Variants in SARDH observed in about 807,000 individuals in gnomAD.
SARDH encodes the protein sarcosine dehydrogenase.
SARDH carries 95 observed loss-of-function variants against 109.1 expected under a neutral mutation model. That is an observed-to-expected ratio of 0.87 (90% CI 0.74 to 1.03). The LOEUF (loss-of-function observed/expected upper bound fraction) is 1.03. SARDH is among the 50% of genes least tolerant of loss of function. The pLI, the probability that SARDH is intolerant of heterozygous loss-of-function variation, is 0.00. For synonymous variants in SARDH, 572 were observed against 534.8 expected (o/e 1.07, Z -0.96); for missense variants, 1,267 against 1,287.8 (o/e 0.98, Z 0.25).
chr9:133,718,799 T>C lies in SARDH; in HGVS notation c.1020+139A>G, dbSNP rs1463619206. 1 of 803,930 alleles carries C rather than the reference T, an allele frequency of 1.2e-6. No individual in the cohort carries two copies. The allele number at this position is 803,930 out of a possible 1,614,324, so 49.8% of individuals were successfully genotyped here. A position where few individuals can be genotyped will look rare whatever the true frequency, so the allele number is the denominator to read the frequency against. On this transcript the variant is annotated intron_variant, in intron 7 of 20. Coordinates refer to ENST00000439388, the MANE Select transcript of SARDH (RefSeq NM_001134707.2). This position sits in a 1 kb window ranked among gnomAD's most constrained non-coding sequence, Gnocchi z 4.2. Reference sequence around the variant, plus strand: ...GGTAAGAGCAAGATGGCTTTGAGCTTGGTGGGGTCAGGGGACCGGCCACTT... The same window carrying C: ...GGTAAGAGCAAGATGGCTTTGAGCTCGGTGGGGTCAGGGGACCGGCCACTT...
chr9:133,730,133 C>T lies in SARDH; in HGVS notation c.745G>A (p.Val249Met). 1 of 1,614,232 alleles carries T rather than the reference C, an allele frequency of 6.2e-7. No individual in the cohort carries two copies. The highest frequency in any genetic ancestry group is 8.5e-7 in the Non-Finnish European group (1 of 1,180,050). ...GIRVWTDDFG[V>M]RRVAGVETQH... is the part of the protein sequence containing the mutation. The stretch of plus-strand genomic sequence containing the variant: ...GTCTCCACACCCGCGACCCGCCGCA[C>T]CCCAAAATCATCCGTCCACACACGA... Residue 249 changes from valine to methionine, a missense_variant, in exon 5 of 21, where the codon GTG becomes ATG. Physicochemically the swap from Val to Met is conservative, Grantham distance 21. Transcript: ENST00000439388.
rs1007704577 is a variant in SARDH, at chr9:133,709,545, C to T, written c.1329-1117G>A. ...CAGCCACATCAGAGGCGTTTCTATC[C>T]TCAGTGACACCTGTCAGGGCTGATT... On this transcript the variant is annotated intron_variant, in intron 10 of 20. Transcript: ENST00000439388. This position sits in a 1 kb window ranked among gnomAD's most constrained non-coding sequence, Gnocchi z 4.2. Among the ~76,000 whole-genome samples the T allele has an allele frequency of 6.6e-6, 1 of 152,182 alleles. No individual in the cohort carries two copies. Among genetic ancestry groups the T allele is most frequent in the African/African-American group, 2.4e-5 (1 of 41,434 alleles).
chr9:133,685,046 C>T, intron 17 of SARDH, 147 bp downstream of exon 17: 1 of 638,124 alleles, frequency 1.6e-6, no homozygotes, highest in Non-Finnish European at 2.7e-6. Flanking sequence ...GCCGCCTGGT[C>T]CCACTGTCCC....
intron 13 of SARDH, among the ~76,000 whole-genome samples, chr9:133,698,481 A>G (rs963336361): frequency 1.3e-5 from 2 of 152,244 alleles, no homozygotes; most frequent in South Asian, 2.1e-4. Context: ...TTGAAAAGGA[A>G]AAACAAAATT....
intron 16 of SARDH, 82 bp downstream of exon 16, chr9:133,690,298 G>C: frequency 6.6e-7 from 1 of 1,522,212 alleles, no homozygotes; most frequent in Non-Finnish European, 8.9e-7. Flanking sequence ...TTCTGGACAA[G>C]CTGTTCTGCC....
chr9:133,675,460 G>A (rs773509267), intron 17 of SARDH, among the ~76,000 whole-genome samples: 2 of 152,154 alleles, frequency 1.3e-5, no homozygotes, highest in African/African-American at 4.8e-5. Context: ...TCAGAGGCAC[G>A]CAAACCCAAG....
chr9:133,709,164 G>T lies in SARDH; in HGVS notation c.1329-736C>A, dbSNP rs1384938798. Among the ~76,000 whole-genome samples, 1 of 152,172 alleles carries T rather than the reference G, an allele frequency of 6.6e-6. No homozygotes were observed. Among genetic ancestry groups the T allele is most frequent in the Non-Finnish European group, 1.5e-5 (1 of 68,024 alleles). On this transcript the variant is annotated intron_variant, in intron 10 of 20. Transcript: ENST00000439388. The surrounding 1 kb of genome is among the most constrained non-coding windows in gnomAD (Gnocchi z 4.2). ...TCCTTCGAGGCTGGGGACACAGTGT[G>T]CGGCCACGGCAGCCCCCGGTGGTGT...
At position 133,666,558 on chromosome 9, in the gene SARDH, C is replaced by G. The variant is rs1244134501; in HGVS notation, c.2631+177G>C. On this transcript the variant is annotated intron_variant, in intron 20 of 20. Transcript: ENST00000439388. This position sits in a 1 kb window ranked among gnomAD's most constrained non-coding sequence, Gnocchi z 5.2. Reference sequence around the variant, plus strand: ...CCCCTTTTTCCTTCCCCCTCCTTCTCCTCCTTCCTTCCTCCCCCTCTTCCC... The same window carrying G: ...CCCCTTTTTCCTTCCCCCTCCTTCTGCTCCTTCCTTCCTCCCCCTCTTCCC... Among the ~76,000 whole-genome samples the G allele has an allele frequency of 6.7e-6, 1 of 149,624 alleles. No homozygotes were observed. The highest frequency in any genetic ancestry group is 2.5e-5 in the African/African-American group (1 of 40,732).
Position 133,732,544 on chromosome 9 carries a change from C to T in SARDH, c.389G>A (p.Arg130Gln). ...DVEVELLAHT[R>Q]RVVSRELEEE... ...CTCCAGCTCCCGGCTCACCACCCGC[C>T]GAGTGTGGGCCAGAAGCTCCACCTC... is the stretch of plus-strand genomic sequence containing the variant. Residue 130 changes from arginine (R) to glutamine (Q), a missense_variant, in exon 3 of 21, where the codon CGG (arginine) becomes CAG (glutamine). Arg to Gln is a conservative substitution (Grantham distance 43). Transcript: ENST00000439388. 2 of 1,613,816 alleles carry T rather than the reference C, an allele frequency of 1.2e-6. No homozygotes were observed. Among genetic ancestry groups the T allele is most frequent in the East Asian group, 2.2e-5 (1 of 44,852 alleles).
intron 17 of SARDH, among the ~76,000 whole-genome samples, chr9:133,680,877 T>G (rs1178523740): frequency 1.6e-4 from 25 of 152,200 alleles, no homozygotes; most frequent in Admixed American, 1.6e-3. Flanking sequence ...GGGGCTGCGC[T>G]CAGTGCTGGG....
chr9:133,682,780 G>A (rs893368732), intron 17 of SARDH, among the ~76,000 whole-genome samples: 12 of 101,550 alleles, frequency 1.2e-4, no homozygotes, highest in African/African-American at 5.6e-4. Flanking sequence ...CCCACGCGCA[G>A]TGATGGTTGG....
chr9:133,739,319 A>G (rs1001857845), upstream of SARDH, among the ~76,000 whole-genome samples: 15 of 152,202 alleles, frequency 9.9e-5, no homozygotes, highest in African/African-American at 3.6e-4. Context: ...AATACCAATC[A>G]AATCATTGTG....
At chr9:133,706,498 G>A (rs539382304) in intron 11 of SARDH, among the ~76,000 whole-genome samples, 2 of 152,198 alleles carry the variant, frequency 1.3e-5, no homozygotes, top group African/African-American at 4.8e-5. Context: ...TCCCTGTGGG[G>A]TGATGAGAAT....
chr9:133,715,858 G>C (rs1388839167), intron 8 of SARDH, among the ~76,000 whole-genome samples: 2 of 152,206 alleles, frequency 1.3e-5, no homozygotes, highest in Non-Finnish European at 2.9e-5. Context: ...ACTCCAGAGG[G>C]CACCCATTCC....
chr9:133,731,750 C>T (rs1588457892), intron 3 of SARDH, among the ~76,000 whole-genome samples: 1 of 152,224 alleles, frequency 6.6e-6, no homozygotes, highest in African/African-American at 2.4e-5. Context: ...AAAGTCGCTT[C>T]AGGCTCACTC....
At chr9:133,702,434 G>A (rs1831521991) in intron 13 of SARDH, among the ~76,000 whole-genome samples, 1 of 152,194 alleles carries the variant, frequency 6.6e-6, no homozygotes. Flanking sequence ...CGGCCCTCCC[G>A]GCTCTGGTTC....
chr9:133,682,063 G>A (rs1830715683), intron 17 of SARDH, among the ~76,000 whole-genome samples: 1 of 152,210 alleles, frequency 6.6e-6, no homozygotes, highest in African/African-American at 2.4e-5. Context: ...CCGGGACCAT[G>A]AACCGCACAT....
rs1831179790 is a variant in SARDH, at chr9:133,693,623, C to CGAGAGATCAGATGG, written c.1921+621_1921+634dup. 6.6e-6 allele frequency among the ~76,000 whole-genome samples: 1 copy of CGAGAGATCAGATGG among 152,134 alleles called. No homozygotes were observed. Among genetic ancestry groups the CGAGAGATCAGATGG allele is most frequent in the Non-Finnish European group, 1.5e-5 (1 of 68,030 alleles). ...TCCCTGGTGGGGATGGGTTACAGGA[C>CGAGAGATCAGATGG]GAGAGATCAGATGGCTCCTGTGTGA... On this transcript the variant is annotated intron_variant, in intron 15 of 20. Transcript: ENST00000439388. The surrounding 1 kb of genome is among the most constrained non-coding windows in gnomAD (Gnocchi z 5.6).
In SARDH at chr9:133,717,309, C is replaced by T; in HGVS notation, c.1150+17G>A. 1 of 1,613,710 alleles carries T rather than the reference C, an allele frequency of 6.2e-7. No individual in the cohort carries two copies. Among genetic ancestry groups the T allele is most frequent in the Non-Finnish European group, 8.5e-7 (1 of 1,179,716 alleles). On this transcript the variant is annotated intron_variant, in intron 8 of 20. Coordinates refer to ENST00000439388, the MANE Select transcript of SARDH (RefSeq NM_001134707.2). Reference sequence around the variant, plus strand: ...GGACCCATGGACGCCCACCCCAGCTCCGAGGCTGTCACTCACCAGGGCCGC... The same window carrying T: ...GGACCCATGGACGCCCACCCCAGCTTCGAGGCTGTCACTCACCAGGGCCGC...
Sources: allele counts gnomAD v4.1 joint callset (sites outside exome capture counted in the v4.1 genomes callset), GRCh38; gene constraint gnomAD v4.1.1; non-coding constraint Gnocchi (gnomAD v3.1); transcripts MANE v1.5; gene names NCBI Gene and HGNC (gene_info 2026-07-23, HGNC 2026-07-21).